Variants in CDK13 observed in about 807,000 individuals in gnomAD.
CDK13 encodes cyclin dependent kinase 13.
A neutral mutation model predicts 137.6 loss-of-function variants in CDK13; 40 were observed. The ratio of observed to expected loss-of-function variants is 0.29; its 90% CI spans 0.23 to 0.38. CDK13 has a LOEUF of 0.38. CDK13 is among the 10% of genes least tolerant of loss of function. CDK13 has a pLI of 1.00. For synonymous variants in CDK13, 869 were observed against 760.1 expected, an observed-to-expected ratio of 1.14 and a Z score of -2.36; for missense variants, 1,704 against 1,951.8, an observed-to-expected ratio of 0.87 and a Z score of 2.39.
At chr7:40,022,353 C>T (rs1785145618) in intron 5 of CDK13, among the ~76,000 whole-genome samples, 1 of 152,198 alleles carries the variant, frequency 6.6e-6, no homozygotes, top group South Asian at 2.1e-4. Flanking sequence ...ACCACTGATA[C>T]TAACGAGAAA....
Position 40,007,385 on chromosome 7 carries a change from G to A in CDK13, c.2353+5354G>A, listed in dbSNP as rs76061592. On this transcript the variant is annotated intron_variant, in intron 5 of 13. Coordinates refer to ENST00000181839, the MANE Select transcript of CDK13 (RefSeq NM_003718.5). ...TGTATACTTGAATTGCATGTCATAC[G>A]TAATTCTGTAATAGTACTTTCATAT... Among the ~76,000 whole-genome samples, 667 of 152,310 alleles carry A rather than the reference G, an allele frequency of 4.4e-3. 3 individuals are homozygous for A. The highest frequency in any genetic ancestry group is 7.1e-3 in the Non-Finnish European group (480 of 68,024).
At chr7:40,004,377 T>C (rs185418584) in intron 5 of CDK13, among the ~76,000 whole-genome samples, 2 of 152,362 alleles carry the variant, frequency 1.3e-5, no homozygotes, top group Admixed American at 1.3e-4. Context: ...CTGTTTGTAA[T>C]TCTATGCATC....
chr7:40,048,358 G>C (rs370656417), intron 7 of CDK13: 1 of 151,932 alleles, frequency 6.6e-6, no homozygotes, highest in African/African-American at 2.4e-5. Flanking sequence ...AACTTTTCTG[G>C]CTAAAGTTGG....
At position 39,996,337 on chromosome 7, in the gene CDK13, T is replaced by C. The variant is rs1784559953; in HGVS notation, c.1872-1157T>C. The stretch of plus-strand genomic sequence containing the variant: ...GAAAGTATGTGAAGTCCAAATTTTA[T>C]TATCATTATGAGATTCTCTTTCAAC... On this transcript the variant is annotated intron_variant, in intron 2 of 13. Coordinates refer to ENST00000181839, the MANE Select transcript of CDK13 (RefSeq NM_003718.5). Among the ~76,000 whole-genome samples, 3 of 152,222 alleles carry C rather than the reference T, an allele frequency of 2.0e-5. 1 individual carries two copies. In the South Asian group the frequency reaches 6.2e-4, roughly 32 times the overall value.
At chr7:40,036,636 C>T (rs565374823) in intron 5 of CDK13, among the ~76,000 whole-genome samples, 28 of 151,416 alleles carry the variant, frequency 1.8e-4, no homozygotes, top group Middle Eastern at 3.4e-3. Flanking sequence ...TATAATGAAC[C>T]CCAGTGTCCC....
chr7:40,012,022 A>G (rs1784905320), intron 5 of CDK13, among the ~76,000 whole-genome samples: 1 of 152,250 alleles, frequency 6.6e-6, no homozygotes, highest in Admixed American at 6.5e-5. Context: ...CAATAAGCAC[A>G]TGAAAAGATG....
At chr7:39,959,401 TC>T (rs1343732030) in intron 1 of CDK13, among the ~76,000 whole-genome samples, 1 of 151,984 alleles carries the variant, frequency 6.6e-6, no homozygotes, top group Non-Finnish European at 1.5e-5. Flanking sequence ...CCTCAGGTGA[TC>T]CACCCGCTTC....
Position 39,951,160 on chromosome 7 carries a change from A to G in CDK13, c.519A>G (p.Gly173=). 8.0e-7 allele frequency: 1 copy of G among 1,242,266 alleles called. No individual in the cohort carries two copies. Among genetic ancestry groups the G allele is most frequent in the Non-Finnish European group, 1.0e-6 (1 of 994,816 alleles). 77.0% of individuals were successfully genotyped at this position (1,242,266 alleles called of 1,614,324 possible). Residue 173 remains glycine, a synonymous_variant, in exon 1 of 14, where the codon GGA becomes GGG. Coordinates refer to ENST00000181839, the MANE Select transcript of CDK13 (RefSeq NM_003718.5). The part of the protein sequence containing the change: ...SAATAATAAG[G]TGGSGGSPAS... The stretch of plus-strand genomic sequence containing the variant: ...CAACGGCGGCGACGGCTGCCGGGGG[A>G]ACGGGGGGCAGCGGCGGGAGTCCGG...
intron 7 of CDK13, among the ~76,000 whole-genome samples, chr7:40,052,749 A>G (rs1271650028): frequency 6.6e-6 from 1 of 152,214 alleles, no homozygotes; most frequent in African/African-American, 2.4e-5. Flanking sequence ...TGAGAGAGGA[A>G]GATAGTATTA....
chr7:39,956,672 C>T (rs1787417611), intron 1 of CDK13, among the ~76,000 whole-genome samples: 1 of 152,132 alleles, frequency 6.6e-6, no homozygotes, highest in African/African-American at 2.4e-5. Flanking sequence ...ACAGCAGCTT[C>T]GAACTCCTGG....
In CDK13 at chr7:39,978,971, TTC is replaced by T. The variant is rs200938661; in HGVS notation, c.1212-8626_1212-8625del. ...GACATGCCTGGTAGTCTTTGTTTTT[TTC>T]TGTGAAACAATAAGTAAAGCTATGC... is the stretch of plus-strand genomic sequence containing the variant. On this transcript the variant is annotated intron_variant, in intron 1 of 13. Coordinates refer to ENST00000181839, the MANE Select transcript of CDK13 (RefSeq NM_003718.5). Among the ~76,000 whole-genome samples, 1,017 of 152,290 alleles carry T rather than the reference TTC, an allele frequency of 6.7e-3. 12 individuals carry two copies. The highest frequency in any genetic ancestry group is 0.023 in the African/African-American group (947 of 41,570).
chr7:39,981,926 G>A (rs1464292177), intron 1 of CDK13, among the ~76,000 whole-genome samples: 3 of 150,322 alleles, frequency 2.0e-5, no homozygotes, highest in Non-Finnish European at 4.5e-5. Flanking sequence ...CAAATAGCTG[G>A]GACCACAGGC....
intron 1 of CDK13, chr7:39,952,175 A>C (rs1787244177): frequency 7.9e-6 from 2 of 252,058 alleles, no homozygotes; most frequent in Non-Finnish European, 1.5e-5. Context: ...TTTCTGGTAC[A>C]ATTTGGGTAA....
At chr7:39,963,088 G>T (rs982174352) in intron 1 of CDK13, among the ~76,000 whole-genome samples, 9 of 152,186 alleles carry the variant, frequency 5.9e-5, no homozygotes, top group African/African-American at 2.2e-4. Context: ...TTTGGCTTAG[G>T]ATTGACTTGG....
chr7:40,057,169 C>T (rs62456100), intron 7 of CDK13, among the ~76,000 whole-genome samples: 642 of 152,206 alleles, frequency 4.2e-3, no homozygotes, highest in East Asian at 0.014. Context: ...GCAGGAGAAT[C>T]GCTTGAACCC....
In CDK13 at chr7:40,093,017, G is replaced by C. The variant is rs1233545175; in HGVS notation, c.3468G>C (p.Leu1156Phe). The C allele has an allele frequency of 4.3e-6, 7 of 1,614,166 alleles. No homozygotes were observed. The South Asian group carries it at 7.7e-5, about 18-fold the overall frequency. Reference sequence around the variant, plus strand: ...CACAACAGGAGTCTTCGAAACCGTTGGGAGGAATTCAGCCTTCTTCTCAGA... The same window carrying C: ...CACAACAGGAGTCTTCGAAACCGTTCGGAGGAATTCAGCCTTCTTCTCAGA... ...STPQQESSKP[L>F]GGIQPSSQTI... The change falls in exon 13 of 14, where the codon TTG becomes TTC. Residue 1156 changes from leucine (L) to phenylalanine (F), a missense_variant. Coordinates refer to ENST00000181839, the MANE Select transcript of CDK13 (RefSeq NM_003718.5).
chr7:40,003,198 ACACACACACTCTCTCTCT>A (rs1471760836), intron 5 of CDK13, among the ~76,000 whole-genome samples: 12 of 89,418 alleles, frequency 1.3e-4, no homozygotes, highest in Non-Finnish European at 2.4e-4. Flanking sequence ...ACACACACAC[ACACACACACTCTCTCTCT>A]CTCTCTCTCT....
intron 2 of CDK13, among the ~76,000 whole-genome samples, chr7:39,989,544 T>C (rs1325408698): frequency 6.6e-6 from 1 of 152,176 alleles, no homozygotes; most frequent in African/African-American, 2.4e-5. Context: ...TTGAGGTGCC[T>C]TTTTAAAAAT....
chr7:40,048,643 C>A (rs1785805569), intron 7 of CDK13: 1 of 146,842 alleles, frequency 6.8e-6, no homozygotes, highest in Non-Finnish European at 1.5e-5. Flanking sequence ...TCTTTAATAT[C>A]ACCATAATTT....
Sources: gnomAD v4.1 joint callset for allele counts (sites outside exome capture counted in the v4.1 genomes callset) on GRCh38, gnomAD v4.1.1 for gene constraint, MANE v1.5 for transcripts, NCBI Gene and HGNC (gene_info 2026-07-23, HGNC 2026-07-21) for gene names.